CLTRN: variants seen among roughly 807,000 people sequenced by gnomAD.
The protein encoded by CLTRN is collectrin.
A neutral mutation model predicts 14.5 loss-of-function variants in CLTRN; 12 were observed. The observed-to-expected ratio is 0.83, with a 90% CI of 0.53 to 1.34. The LOEUF (loss-of-function observed/expected upper bound fraction) is 1.34, where lower values mean the gene tolerates loss of function less well. CLTRN is among the 40% of genes most tolerant of loss of function. The pLI is 0.00. For synonymous variants in CLTRN, 58 were observed against 56.5 expected (o/e 1.03, Z -0.12); for missense variants, 154 against 165.1 (o/e 0.93, Z 0.37).
At chrX:15,651,788 A>G (rs1464952179) in intron 3 of CLTRN, among the ~76,000 whole-genome samples, 1 of 111,579 alleles carries the variant, frequency 9.0e-6, no homozygotes, top group Non-Finnish European at 1.9e-5. Context: ...AAGAAGGTTA[A>G]CATCTCAGTG....
intron 5 of CLTRN, among the ~76,000 whole-genome samples, chrX:15,638,144 A>G (rs979722407): frequency 3.6e-5 from 4 of 112,322 alleles, no homozygotes; most frequent in African/African-American, 1.3e-4. Context: ...AATACAAAAC[A>G]AAAGTATTAA....
rs756980026 is a variant in CLTRN, at chrX:15,645,042, G to T, written c.204-13C>A. The T allele has an allele frequency of 1.3e-5, 14 of 1,076,377 alleles. No homozygotes were observed. The highest frequency in any genetic ancestry group is 1.8e-5 in the Non-Finnish European group (14 of 784,299). 88.7% of individuals were successfully genotyped at this position (1,076,377 alleles called of 1,213,427 possible). ...GACATGGGAAATTCTGCAGACAGTG[G>T]AAAGAAAAAATACATGAGAAGAATA... On this transcript the variant is annotated splice_polypyrimidine_tract_variant and intron_variant, in intron 3 of 5. Transcript: ENST00000380342.
chrX:15,662,415 C>T (rs113940780), intron 2 of CLTRN, among the ~76,000 whole-genome samples: 2,303 of 111,400 alleles, frequency 0.021, 57 homozygotes, highest in African/African-American at 0.072. Context: ...TTCTCCTCTG[C>T]CCTTCTCAGA....
intron 1 of CLTRN, among the ~76,000 whole-genome samples, chrX:15,674,165 A>C (rs1430938342): frequency 1.8e-5 from 2 of 112,534 alleles, no homozygotes; most frequent in African/African-American, 3.2e-5. Flanking sequence ...TCCATCCTCT[A>C]AGAATGTCCG....
rs769208238 is a variant in CLTRN, at chrX:15,663,254, C to T, written c.117+1083G>A. ...TAAGGACAAGCCTTAATCACCATTA[C>T]ATCCCAGCATTCAGCATCGTACCTG... On this transcript the variant is annotated intron_variant, in intron 2 of 5. Transcript: ENST00000380342. Among the ~76,000 whole-genome samples the T allele has an allele frequency of 4.3e-3, 484 of 112,432 alleles. 3 individuals carry two copies. Among genetic ancestry groups the T allele is most frequent in the African/African-American group, 0.015 (468 of 30,987 alleles).
chrX:15,636,738 G>A (rs1007435448), intron 5 of CLTRN, among the ~76,000 whole-genome samples: 4 of 111,470 alleles, frequency 3.6e-5, no homozygotes, highest in Non-Finnish European at 3.8e-5. Flanking sequence ...GGCTTAAGCC[G>A]ATCTTGGATA....
chrX:15,671,704 C>T (rs778517009), intron 1 of CLTRN, among the ~76,000 whole-genome samples: 1 of 111,819 alleles, frequency 8.9e-6, no homozygotes, highest in East Asian at 2.8e-4. Flanking sequence ...CAGCCCACTA[C>T]GTGCCCATGA....
At chrX:15,646,458 A>AACCCCCCCCCCC in intron 3 of CLTRN, 5 of 228,796 alleles carry the variant, frequency 2.2e-5, no homozygotes, top group Non-Finnish European at 4.0e-5. Context: ...AAAACCGCGC[A>AACCCCCCCCCCC]CCCACCCCCC....
chrX:15,658,507 A>AAATAGAG (rs1017723996), intron 3 of CLTRN, among the ~76,000 whole-genome samples: 4 of 112,291 alleles, frequency 3.6e-5, no homozygotes, highest in African/African-American at 1.3e-4. Flanking sequence ...CCCTCATCAC[A>AAATAGAG]AATAGAGAAA....
chrX:15,652,158 C>T (rs982014058), intron 3 of CLTRN, among the ~76,000 whole-genome samples: 1 of 112,113 alleles, frequency 8.9e-6, no homozygotes, highest in Non-Finnish European at 1.9e-5. Flanking sequence ...TTCTCCATGG[C>T]CTTTCTTCCA....
rs1928600731 is a variant in CLTRN, at chrX:15,627,908, G to A, written c.*63C>T. 1 of 887,222 alleles carries A rather than the reference G, an allele frequency of 1.1e-6. No individual in the cohort carries two copies. The highest frequency in any genetic ancestry group is 1.5e-6 in the Non-Finnish European group (1 of 681,367). 73.1% of individuals were successfully genotyped at this position (887,222 alleles called of 1,213,427 possible). A position where few individuals can be genotyped will look rare whatever the true frequency, so the allele number is the denominator to read the frequency against. On this transcript the variant is annotated 3_prime_UTR_variant, in exon 6 of 6. Coordinates refer to ENST00000380342, the MANE Select transcript of CLTRN (RefSeq NM_020665.6). ...TATATGATCTGCTCTTGGTATTTCA[G>A]GATGCTCAGCAGTCACACAGAAACA...
intron 3 of CLTRN, among the ~76,000 whole-genome samples, chrX:15,655,003 G>A (rs925601077): frequency 8.9e-6 from 1 of 112,346 alleles, no homozygotes; most frequent in Non-Finnish European, 1.9e-5. Flanking sequence ...GGCAGATGGT[G>A]TGGCTTTCCT....
intron 3 of CLTRN, among the ~76,000 whole-genome samples, chrX:15,656,482 G>C (rs1009100961): frequency 1.8e-5 from 2 of 111,234 alleles, no homozygotes; most frequent in Admixed American, 9.5e-5. Context: ...GGGCGGGGGG[G>C]AGACAATAAA....
chrX:15,673,373 A>T (rs1569257793), intron 1 of CLTRN, among the ~76,000 whole-genome samples: 2 of 112,033 alleles, frequency 1.8e-5, no homozygotes, highest in Admixed American at 1.9e-4. Context: ...CCCTCCATGA[A>T]TTTCCCCTCT....
At chrX:15,640,469 C>T (rs1601723844) in intron 4 of CLTRN, among the ~76,000 whole-genome samples, 1 of 112,687 alleles carries the variant, frequency 8.9e-6, no homozygotes, top group African/African-American at 3.2e-5. Context: ...CTACTTCTGG[C>T]TCTCTCTTGA....
chrX:15,659,132 G>A (rs1346515319), intron 2 of CLTRN, 31 bp from the exon 3 acceptor site: 1 of 884,990 alleles, frequency 1.1e-6, no homozygotes, highest in Non-Finnish European at 1.6e-6. Context: ...AGTGTATGGG[G>A]GAAAATATGG....
At chrX:15,636,817 C>T in intron 5 of CLTRN, among the ~76,000 whole-genome samples, 1 of 111,214 alleles carries the variant, frequency 9.0e-6, no homozygotes, top group East Asian at 2.8e-4. Flanking sequence ...GTCAGTCAAT[C>T]CTCATGAAAG....
In CLTRN at chrX:15,651,898, C is replaced by T. The variant is rs189565170; in HGVS notation, c.204-6869G>A. On this transcript the variant is annotated intron_variant, in intron 3 of 5. Coordinates refer to ENST00000380342, the MANE Select transcript of CLTRN (RefSeq NM_020665.6). ...CAGGGAGGGAAGGAGATTACTTTCC[C>T]GAAACTTTATCTACTCACCTACAAA... Among the ~76,000 whole-genome samples, 367 of 110,990 alleles carry T rather than the reference C, an allele frequency of 3.3e-3. 8 individuals carry two copies. Among genetic ancestry groups the T allele is most frequent in the Admixed American group, 0.031 (321 of 10,470 alleles).
At chrX:15,628,248 A>G (rs1928609834) in intron 5 of CLTRN, 121 bp from the exon 6 acceptor site, 2 of 445,923 alleles carry the variant, frequency 4.5e-6, no homozygotes, top group Non-Finnish European at 6.6e-6. Context: ...CAATGAAATA[A>G]TTTAATGATA....
Sources: gnomAD v4.1 joint callset for allele counts (sites outside exome capture counted in the v4.1 genomes callset) on GRCh38, gnomAD v4.1.1 for gene constraint, MANE v1.5 for transcripts, NCBI Gene and HGNC (gene_info 2026-07-23, HGNC 2026-07-21) for gene names.